The following DZIP3 variants were observed in gnomAD, a reference collection of about 807,000 sequenced individuals.
The protein encoded by DZIP3 is DAZ interacting zinc finger protein 3, also known as E3 ubiquitin-protein ligase DZIP3.
Under a neutral mutation model 162.0 loss-of-function variants are expected in DZIP3, and 118 were observed. The ratio of observed to expected loss-of-function variants is 0.73; its 90% CI spans 0.63 to 0.85. DZIP3 has a LOEUF of 0.85. Ranked by LOEUF, DZIP3 falls within the 40% of genes least tolerant of loss-of-function variation. The pLI is 0.00. For synonymous variants in DZIP3, 438 were observed against 458.6 expected (o/e 0.96, Z 0.57); for missense variants, 1,331 against 1,407.0 (o/e 0.95, Z 0.86).
intron 1 of DZIP3, among the ~76,000 whole-genome samples, chr3:108,598,506 G>A (rs1047814662): frequency 3.3e-4 from 50 of 152,050 alleles, no homozygotes; most frequent in African/African-American, 1.1e-3. Context: ...CCAAAAGCTC[G>A]CTCTGCCTTC....
rs575377375 is a variant in DZIP3, at chr3:108,671,763, T to C, written c.2493-797T>C. Among the ~76,000 whole-genome samples the C allele has an allele frequency of 5.9e-5, 9 of 152,114 alleles. 1 individual carries two copies. In the South Asian group the frequency reaches 1.4e-3, roughly 25 times the overall value. On this transcript the variant is annotated intron_variant, in intron 22 of 32. Coordinates refer to ENST00000361582, the MANE Select transcript of DZIP3 (RefSeq NM_014648.4). Reference sequence around the variant, plus strand: ...GCTAACATTTATTTATTAGTGCTTATTATGTGCCAAACACAAAGTGCTTTA... The same window carrying C: ...GCTAACATTTATTTATTAGTGCTTACTATGTGCCAAACACAAAGTGCTTTA...
chr3:108,683,383 A>G (rs1260723661), intron 26 of DZIP3, among the ~76,000 whole-genome samples: 1 of 152,162 alleles, frequency 6.6e-6, no homozygotes, highest in African/African-American at 2.4e-5. Flanking sequence ...AAAGTTCCCC[A>G]TTAATTTTTC....
chr3:108,620,005 A>G (rs11713903), intron 5 of DZIP3, among the ~76,000 whole-genome samples: 30,905 of 152,044 alleles, frequency 0.2, 3,730 homozygotes, highest in East Asian at 0.45. Context: ...GACTGGACTC[A>G]GCATATGGTT....
Position 108,625,829 on chromosome 3 carries a change from T to C in DZIP3, c.457-16T>C. 6.4e-7 allele frequency: 1 copy of C among 1,568,868 alleles called. No individual in the cohort carries two copies. Among genetic ancestry groups the C allele is most frequent in the Admixed American group, 2.0e-5 (1 of 51,084 alleles). On this transcript the variant is annotated splice_polypyrimidine_tract_variant and intron_variant, in intron 6 of 32. Coordinates refer to ENST00000361582, the MANE Select transcript of DZIP3 (RefSeq NM_014648.4). ...TGACTTTTACAGTAGCCAAACCTAGTTTTATGTTACTACAGGATTATACAG... is the reference window on the plus strand; with the variant it reads ...TGACTTTTACAGTAGCCAAACCTAGCTTTATGTTACTACAGGATTATACAG...
intron 31 of DZIP3, among the ~76,000 whole-genome samples, chr3:108,689,703 A>G (rs1944622745): frequency 6.6e-6 from 1 of 152,044 alleles, no homozygotes; most frequent in Non-Finnish European, 1.5e-5. Context: ...AGAAAAAGAA[A>G]AATATGAGGT....
intron 4 of DZIP3, among the ~76,000 whole-genome samples, chr3:108,615,299 C>T (rs1314286576): frequency 6.6e-6 from 1 of 152,200 alleles, no homozygotes; most frequent in Non-Finnish European, 1.5e-5. Flanking sequence ...TTTGAAACCA[C>T]CTAGGCTGTT....
chr3:108,690,410 T>C (rs917688446), intron 31 of DZIP3, among the ~76,000 whole-genome samples: 1 of 152,208 alleles, frequency 6.6e-6, no homozygotes, highest in East Asian at 1.9e-4. Flanking sequence ...TCATACCAGG[T>C]ACTAGTGACT....
intron 14 of DZIP3, among the ~76,000 whole-genome samples, chr3:108,645,341 GAC>G (rs937762940): frequency 3.3e-5 from 5 of 152,152 alleles, no homozygotes; most frequent in African/African-American, 9.7e-5. Flanking sequence ...TGTTCGTTTA[GAC>G]ACAGTGTGGA....
chr3:108,654,572 A>C (rs1477643255), intron 19 of DZIP3, among the ~76,000 whole-genome samples: 1 of 152,110 alleles, frequency 6.6e-6, no homozygotes, highest in Non-Finnish European at 1.5e-5. Context: ...TTACAAATGC[A>C]TTTCTTGCAA....
chr3:108,599,147 T>C (rs1262676003), intron 1 of DZIP3, among the ~76,000 whole-genome samples: 1 of 152,224 alleles, frequency 6.6e-6, no homozygotes, highest in African/African-American at 2.4e-5. Flanking sequence ...TATAAGGCAC[T>C]TATTTCCTGG....
Position 108,636,624 on chromosome 3 carries a change from T to C in DZIP3, c.927T>C (p.Ser309=), listed in dbSNP as rs768283441. 9.0e-6 allele frequency: 14 copies of C among 1,554,672 alleles called. No individual in the cohort carries two copies. The highest frequency in any genetic ancestry group is 1.3e-5 in the South Asian group (1 of 78,276). ...KYPGENDQSF[S]GKKCLKEGCT... ...TCTATTAATAAATTTAGAGTTTTAG[T>C]GGGAAAAAATGTTTGAAGGAAGGAT... is the stretch of plus-strand genomic sequence containing the variant. The change falls in exon 11 of 33, where the codon AGT becomes AGC. Residue 309 remains serine, a synonymous_variant. Coordinates refer to ENST00000361582, the MANE Select transcript of DZIP3 (RefSeq NM_014648.4).
In DZIP3 at chr3:108,591,221, G is replaced by A. The variant is rs189812961; in HGVS notation, c.-73+1382G>A. Among the ~76,000 whole-genome samples, 398 of 152,342 alleles carry A rather than the reference G, an allele frequency of 2.6e-3. 4 individuals are homozygous for A. The highest frequency in any genetic ancestry group is 4.5e-3 in the Non-Finnish European group (306 of 68,028). On this transcript the variant is annotated intron_variant, in intron 1 of 32. Coordinates refer to ENST00000361582, the MANE Select transcript of DZIP3 (RefSeq NM_014648.4). The stretch of plus-strand genomic sequence containing the variant: ...ATGCCAGAAACAAGGATGCCATGTG[G>A]CTAGTGTAGAAAGAACGAGGAGGAG...
At chr3:108,632,244 T>C (rs1440093925) in intron 8 of DZIP3, among the ~76,000 whole-genome samples, 1 of 152,170 alleles carries the variant, frequency 6.6e-6, no homozygotes, top group East Asian at 1.9e-4. Context: ...TATTCTATTT[T>C]ATTTTATTTT....
chr3:108,679,606 G>A (rs376252465), intron 26 of DZIP3, among the ~76,000 whole-genome samples: 1 of 152,058 alleles, frequency 6.6e-6, no homozygotes, highest in Non-Finnish European at 1.5e-5. Flanking sequence ...ACCTAGAAAC[G>A]TTACAGTGCT....
At chr3:108,606,316 G>A (rs1030312166) in intron 2 of DZIP3, among the ~76,000 whole-genome samples, 2 of 152,094 alleles carry the variant, frequency 1.3e-5, no homozygotes, top group Non-Finnish European at 2.9e-5. Flanking sequence ...GGGTCGTATT[G>A]GAGATCTCCC....
chr3:108,678,119 A>T (rs1027659612), intron 26 of DZIP3, among the ~76,000 whole-genome samples: 2 of 151,824 alleles, frequency 1.3e-5, no homozygotes, highest in African/African-American at 2.4e-5. Context: ...TGAACTGTGC[A>T]TGTGAAGGAT....
At chr3:108,633,367 G>A (rs1209540773) in intron 9 of DZIP3, among the ~76,000 whole-genome samples, 1 of 151,804 alleles carries the variant, frequency 6.6e-6, no homozygotes, top group Non-Finnish European at 1.5e-5. Context: ...GTCATACAGT[G>A]AAAATGATCT....
At position 108,670,363 on chromosome 3, in the gene DZIP3, G is replaced by T. The variant is rs528374095; in HGVS notation, c.2492+614G>T. Among the ~76,000 whole-genome samples, 14 of 151,840 alleles carry T rather than the reference G, an allele frequency of 9.2e-5. 2 individuals carry two copies. The highest frequency in any genetic ancestry group is 3.4e-4 in the African/African-American group (14 of 41,494). ...CTGTCTGTATGGATTTGCCTCTTTTGGACATTTCATATAAATTGGATCATA... is the reference window on the plus strand; with the variant it reads ...CTGTCTGTATGGATTTGCCTCTTTTTGACATTTCATATAAATTGGATCATA... On this transcript the variant is annotated intron_variant, in intron 22 of 32. Coordinates refer to ENST00000361582, the MANE Select transcript of DZIP3 (RefSeq NM_014648.4).
intron 26 of DZIP3, 142 bp from the exon 27 acceptor site, chr3:108,684,074 G>T: frequency 2.3e-6 from 2 of 864,930 alleles, no homozygotes; most frequent in Non-Finnish European, 3.3e-6. Flanking sequence ...GACATACATT[G>T]TTTCTAATGT....
Sources: gnomAD v4.1 joint callset for allele counts (sites outside exome capture counted in the v4.1 genomes callset) on GRCh38, gnomAD v4.1.1 for gene constraint, MANE v1.5 for transcripts, NCBI Gene and HGNC (gene_info 2026-07-23, HGNC 2026-07-21) for gene names.